ZNF275: variants seen among roughly 807,000 people sequenced by gnomAD.
ZNF275 encodes the protein zinc finger protein 275.
Under a neutral mutation model 4.3 loss-of-function variants are expected in ZNF275, and 4 were observed. The observed-to-expected ratio is 0.93, with a 90% CI of 0.46 to 2.13. The LOEUF (loss-of-function observed/expected upper bound fraction) is 2.13, where lower values mean the gene tolerates loss of function less well. Ranked by LOEUF, ZNF275 falls within the 30% of genes most tolerant of loss-of-function variation. ZNF275 has a pLI of 0.02. For missense variants in ZNF275, 352 were observed against 397.1 expected, an observed-to-expected ratio of 0.89 and a Z score of 0.97; for synonymous variants, 173 against 166.9, an observed-to-expected ratio of 1.04 and a Z score of -0.28.
In ZNF275 at chrX:153,348,562, T is replaced by C. The variant is rs375208073; in HGVS notation, c.*587T>C. The C allele has an allele frequency of 3.3e-5, 4 of 122,602 alleles. 1 individual carries two copies. The highest frequency in any genetic ancestry group is 3.3e-5 in the African/African-American group (1 of 30,596). 10.1% of individuals were successfully genotyped at this position (122,602 alleles called of 1,213,427 possible). A position where few individuals can be genotyped will look rare whatever the true frequency, so the allele number is the denominator to read the frequency against. Reference sequence around the variant, plus strand: ...TGCCACCCTCCCTTTCACGAAATCATTTTACTCTGACTCCTCACCGTCTTC... The same window carrying C: ...TGCCACCCTCCCTTTCACGAAATCACTTTACTCTGACTCCTCACCGTCTTC... On this transcript the variant is annotated 3_prime_UTR_variant, in exon 4 of 4. Coordinates refer to ENST00000650114, the MANE Select transcript of ZNF275 (RefSeq NM_001367757.1).
rs372388369 is a variant in ZNF275 at position 153,347,407 on chromosome X, C to G, written c.722C>G (p.Ala241Gly). Reference protein sequence around the residue: ...HTSEKPFACKACSRDFLDRQE... With the variant: ...HTSEKPFACKGCSRDFLDRQE... ...TCGGAAAAGCCTTTCGCCTGCAAGG[C>G]GTGCAGCAGGGATTTCCTGGATCGC... The change falls in exon 4 of 4, where the codon GCG (alanine) becomes GGG (glycine). Residue 241 changes from alanine to glycine, a missense_variant. Coordinates refer to ENST00000650114, the MANE Select transcript of ZNF275 (RefSeq NM_001367757.1). The G allele has an allele frequency of 1.6e-6, 2 of 1,212,151 alleles. No homozygotes were observed. The highest frequency in any genetic ancestry group is 3.5e-5 in the South Asian group (2 of 57,038).
intron 1 of ZNF275, chrX:153,335,458 T>C (rs1177128003): frequency 4.7e-5 from 5 of 105,612 alleles, no homozygotes; most frequent in African/African-American, 1.7e-4. Flanking sequence ...TAGAAGCCAC[T>C]TGCACAGTAT....
rs144271371 is a variant in ZNF275, at chrX:153,345,673, A to G, written c.133+52A>G. Reference sequence around the variant, plus strand: ...TTGGGGGAGACCCAACCAAGCTGCTATGGGGCATGGGTTAGGGTTGGAGAG... The same window carrying G: ...TTGGGGGAGACCCAACCAAGCTGCTGTGGGGCATGGGTTAGGGTTGGAGAG... On this transcript the variant is annotated intron_variant, in intron 3 of 3. Coordinates refer to ENST00000650114, the MANE Select transcript of ZNF275 (RefSeq NM_001367757.1). 426 of 1,024,939 alleles carry G rather than the reference A, an allele frequency of 4.2e-4. 3 individuals are homozygous for G. The East Asian group carries it at 0.013, about 32-fold the overall frequency. The allele number at this position is 1,024,939 out of a possible 1,213,427, so 84.5% of individuals were successfully genotyped here.
chrX:153,345,500 A>C lies in ZNF275; in HGVS notation c.32-20A>C. On this transcript the variant is annotated intron_variant, in intron 2 of 3. Coordinates refer to ENST00000650114, the MANE Select transcript of ZNF275 (RefSeq NM_001367757.1). The stretch of plus-strand genomic sequence containing the variant: ...TCATCTCTGGCTGTTGCCATAACCA[A>C]TCTCCTTTCCCATGAGCAGGCGTTC... The C allele has an allele frequency of 8.5e-7, 1 of 1,181,657 alleles. No homozygotes were observed. The highest frequency in any genetic ancestry group is 1.7e-5 in the African/African-American group (1 of 57,221).
At chrX:153,338,166 AC>A (rs2088458030) in intron 2 of ZNF275, among the ~76,000 whole-genome samples, 1 of 111,010 alleles carries the variant, frequency 9.0e-6, no homozygotes, top group Admixed American at 9.5e-5. Context: ...TGCAACATGG[AC>A]CCTAAATGAT....
chrX:153,339,980 T>G (rs2088471282), intron 2 of ZNF275, among the ~76,000 whole-genome samples: 1 of 111,928 alleles, frequency 8.9e-6, no homozygotes, highest in South Asian at 3.8e-4. Flanking sequence ...CCCTCTACAT[T>G]CTGTTTGGCA....
chrX:153,344,083 A>G (rs1447925399), intron 2 of ZNF275: 6 of 326,354 alleles, frequency 1.8e-5, no homozygotes, highest in African/African-American at 1.6e-4. Flanking sequence ...ATCCAGGGAC[A>G]GGGCTGTCGT....
In ZNF275 at chrX:153,351,767, G is replaced by A. The variant is rs1392988436; in HGVS notation, c.*3792G>A. 19 of 111,860 alleles carry A rather than the reference G, an allele frequency of 1.7e-4. No homozygotes were observed. The highest frequency in any genetic ancestry group is 5.5e-4 in the African/African-American group (17 of 30,833). 9.2% of individuals were successfully genotyped at this position (111,860 alleles called of 1,213,427 possible). On this transcript the variant is annotated 3_prime_UTR_variant, in exon 4 of 4. Transcript: ENST00000650114. ...ACCCCACTCTTGCATTTCCAGAATA[G>A]TCCCTACCCAATTGCAGCGGGCATG...
chrX:153,345,436 C>T (rs1465676260), intron 2 of ZNF275, 84 bp from the exon 3 acceptor site: 1 of 733,821 alleles, frequency 1.4e-6, no homozygotes, highest in African/African-American at 2.1e-5. Flanking sequence ...GGGGGTTCCC[C>T]TTCAAAGGCC....
intron 1 of ZNF275, among the ~76,000 whole-genome samples, chrX:153,335,304 C>T (rs1326253234): frequency 9.1e-6 from 1 of 109,306 alleles, no homozygotes; most frequent in Non-Finnish European, 1.9e-5. Flanking sequence ...GAAACATTTC[C>T]TCTTCAACCT....
At position 153,352,172 on chromosome X, in the gene ZNF275, C is replaced by T. The variant is rs183067536; in HGVS notation, c.*4197C>T. 26 of 111,890 alleles carry T rather than the reference C, an allele frequency of 2.3e-4. No homozygotes were observed. Among genetic ancestry groups the T allele is most frequent in the African/African-American group, 8.4e-4 (26 of 30,785 alleles). 9.2% of individuals were successfully genotyped at this position (111,890 alleles called of 1,213,427 possible). On this transcript the variant is annotated 3_prime_UTR_variant, in exon 4 of 4. Transcript: ENST00000650114. ...TTCTTGGATTTCTGGCAGCAGCCCT[C>T]ATTGGTCCACGTGCGTCCCCACTAC...
intron 2 of ZNF275, among the ~76,000 whole-genome samples, chrX:153,337,077 G>T (rs889356168): frequency 9.0e-6 from 1 of 111,048 alleles, no homozygotes; most frequent in African/African-American, 3.3e-5. Flanking sequence ...TTGTCTTCTG[G>T]GTAAACTCAA....
chrX:153,344,104 C>T (rs1024962658), intron 2 of ZNF275: 9 of 328,911 alleles, frequency 2.7e-5, no homozygotes, highest in Middle Eastern at 4.4e-4. Flanking sequence ...CACTCATGGC[C>T]TTTTTCACTT....
At chrX:153,342,633 G>A (rs1347973713) in intron 2 of ZNF275, among the ~76,000 whole-genome samples, 7 of 111,823 alleles carry the variant, frequency 6.3e-5, no homozygotes, top group African/African-American at 1.6e-4. Context: ...AAGGCCTCTG[G>A]ATTCTCTGCT....
intron 2 of ZNF275, among the ~76,000 whole-genome samples, chrX:153,339,880 G>A (rs912538016): frequency 1.8e-5 from 2 of 111,421 alleles, no homozygotes; most frequent in Admixed American, 9.5e-5. Context: ...GGCATTGTCA[G>A]AAGGCTAAGT....
Position 153,347,486 on chromosome X carries a change from C to T in ZNF275, c.801C>T (p.Cys267=), listed in dbSNP as rs373432812. The T allele has an allele frequency of 3.2e-5, 38 of 1,202,053 alleles. No homozygotes were observed. In the African/African-American group the frequency reaches 4.7e-4, roughly 15 times the overall value. The change falls in exon 4 of 4, where the codon TGC becomes TGT. Residue 267 remains cysteine (C), a synonymous_variant. Transcript: ENST00000650114. ...ACACTGGCCACCTGCCCTTCGACTG[C>T]GACGACTGCGGCAAGTCCTTCCGAG... ...RMHTGHLPFD[C]DDCGKSFRGV...
rs1008192204 is a variant in ZNF275, at chrX:153,349,319, C to T, written c.*1344C>T. The T allele has an allele frequency of 4.0e-5, 5 of 123,959 alleles. No individual in the cohort carries two copies. Among genetic ancestry groups the T allele is most frequent in the African/African-American group, 1.6e-4 (5 of 30,951 alleles). 10.2% of individuals were successfully genotyped at this position (123,959 alleles called of 1,213,427 possible). ...TCATTGTCATTGTCATAGTTATTGC[C>T]GTCATTCTGTGGCTTGTCAATTCCA... On this transcript the variant is annotated 3_prime_UTR_variant, in exon 4 of 4. Coordinates refer to ENST00000650114, the MANE Select transcript of ZNF275 (RefSeq NM_001367757.1).
At chrX:153,346,341 T>C (rs2088515055) in intron 3 of ZNF275, among the ~76,000 whole-genome samples, 1 of 107,921 alleles carries the variant, frequency 9.3e-6, no homozygotes, top group African/African-American at 3.4e-5. Flanking sequence ...GCAGGGCCCT[T>C]TGGAGATTCG....
chrX:153,338,724 CAGAG>C (rs1344094156), intron 2 of ZNF275, among the ~76,000 whole-genome samples: 11 of 75,257 alleles, frequency 1.5e-4, no homozygotes, highest in South Asian at 6.4e-4. Flanking sequence ...GTGTAAGAGA[CAGAG>C]AGAGACGAAG....
Sources: gnomAD v4.1 joint callset for allele counts (sites outside exome capture counted in the v4.1 genomes callset) on GRCh38, gnomAD v4.1.1 for gene constraint, MANE v1.5 for transcripts, NCBI Gene and HGNC (gene_info 2026-07-23, HGNC 2026-07-21) for gene names.